The following UTRN variants were observed in gnomAD, a reference collection of about 807,000 sequenced individuals.
UTRN encodes utrophin.
Under a neutral mutation model 463.9 loss-of-function variants are expected in UTRN, and 283 were observed. The ratio of observed to expected loss-of-function variants is 0.61; its 90% CI spans 0.55 to 0.67. The LOEUF (loss-of-function observed/expected upper bound fraction) is 0.67, where lower values mean the gene tolerates loss of function less well. Among genes scored for constraint, UTRN ranks in the 30% least tolerant of loss-of-function variants. The pLI, the probability that UTRN is intolerant of heterozygous loss-of-function variation, is 0.00. For synonymous variants in UTRN, 1,442 were observed against 1,431.5 expected (o/e 1.01, Z -0.17); for missense variants, 3,922 against 4,084.3 (o/e 0.96, Z 1.08).
At chr6:144,657,329 T>C (rs1176336039) in intron 51 of UTRN, among the ~76,000 whole-genome samples, 1 of 151,670 alleles carries the variant, frequency 6.6e-6, no homozygotes, top group Non-Finnish European at 1.5e-5. Flanking sequence ...GCTGCATAAC[T>C]GTATATAAGG....
rs554231419 is a variant in UTRN, at chr6:144,322,942, CAA to C, written c.79+31051_79+31052del. Among the ~76,000 whole-genome samples the C allele has an allele frequency of 2.7e-3, 233 of 86,512 alleles. 2 individuals are homozygous for C. The highest frequency in any genetic ancestry group is 8.6e-3 in the African/African-American group (202 of 23,600). 56.8% of individuals were successfully genotyped at this position (86,512 alleles called of 152,430 possible). On this transcript the variant is annotated intron_variant, in intron 2 of 74. Transcript: ENST00000367545. ...TGGGTGACAGAGTGAGACTCCGTCT[CAA>C]AAAAAAAAAAAAAAATGGATTTCAT...
intron 54 of UTRN, among the ~76,000 whole-genome samples, chr6:144,747,824 CTTATAAT>C (rs1464476405): frequency 1.3e-5 from 2 of 152,106 alleles, no homozygotes; most frequent in Non-Finnish European, 2.9e-5. Flanking sequence ...AGAGTTTTTG[CTTATAAT>C]TTATAGTCAT....
chr6:144,738,551 A>G (rs1389869134), intron 54 of UTRN, among the ~76,000 whole-genome samples: 1 of 152,158 alleles, frequency 6.6e-6, no homozygotes, highest in Non-Finnish European at 1.5e-5. Context: ...AGCACCCCCC[A>G]CCAAACATAC....
chr6:144,819,911 C>CTCTCT (rs1554406066), intron 65 of UTRN, among the ~76,000 whole-genome samples: 1 of 118,610 alleles, frequency 8.4e-6, no homozygotes. Context: ...TCCTCCTCCT[C>CTCTCT]CTCTCTCTCT....
chr6:144,470,961 G>C (rs944632513), intron 23 of UTRN, among the ~76,000 whole-genome samples: 7 of 150,874 alleles, frequency 4.6e-5, no homozygotes, highest in Admixed American at 1.3e-4. Context: ...GTTGCATTGA[G>C]CCGAGATGGC....
chr6:144,409,623 T>G (rs139165966), intron 3 of UTRN, among the ~76,000 whole-genome samples: 35 of 152,128 alleles, frequency 2.3e-4, no homozygotes, highest in African/African-American at 8.2e-4. Context: ...GAGGTAGTGG[T>G]TGAGGGGAGA....
intron 51 of UTRN, among the ~76,000 whole-genome samples, chr6:144,602,738 G>C (rs1804395218): frequency 6.6e-6 from 1 of 152,134 alleles, no homozygotes; most frequent in South Asian, 2.1e-4. Context: ...AACACTTTCA[G>C]TGCAGACTCC....
chr6:144,657,539 A>G (rs755871565), intron 51 of UTRN, among the ~76,000 whole-genome samples: 1 of 152,196 alleles, frequency 6.6e-6, no homozygotes, highest in Non-Finnish European at 1.5e-5. Flanking sequence ...TTTGGGAAGA[A>G]GGCCTAATAC....
intron 58 of UTRN, among the ~76,000 whole-genome samples, chr6:144,766,138 C>T (rs1251573112): frequency 6.6e-6 from 1 of 151,898 alleles, no homozygotes; most frequent in East Asian, 1.9e-4. Flanking sequence ...CCCACACCCA[C>T]ACACACACAA....
intron 2 of UTRN, among the ~76,000 whole-genome samples, chr6:144,295,467 A>G (rs977789095): frequency 6.6e-6 from 1 of 152,232 alleles, no homozygotes; most frequent in Admixed American, 6.5e-5. Flanking sequence ...CTGGGAAAGA[A>G]CTGTTTGATG....
At chr6:144,836,076 A>G (rs1178477683) in intron 70 of UTRN, 138 bp downstream of exon 70, 2 of 1,429,348 alleles carry the variant, frequency 1.4e-6, no homozygotes, top group Non-Finnish European at 1.9e-6. Flanking sequence ...CTATTAACAA[A>G]CTGGGATGCT....
intron 3 of UTRN, among the ~76,000 whole-genome samples, chr6:144,416,867 G>A (rs145053804): frequency 5.2e-4 from 79 of 152,316 alleles, no homozygotes; most frequent in African/African-American, 1.9e-3. Context: ...GCAGGGCCAA[G>A]CACAAAGGAG....
At chr6:144,485,102 T>A (rs746192455) in intron 27 of UTRN, among the ~76,000 whole-genome samples, 2 of 151,396 alleles carry the variant, frequency 1.3e-5, no homozygotes, top group African/African-American at 4.8e-5. Context: ...ATATATATAT[T>A]TTTAGTAGAG....
intron 53 of UTRN, among the ~76,000 whole-genome samples, chr6:144,725,726 T>C (rs1362280931): frequency 2.6e-5 from 4 of 152,234 alleles, no homozygotes; most frequent in Non-Finnish European, 5.9e-5. Flanking sequence ...GAAATGATTA[T>C]ATGTATAAAA....
rs555448657 is a variant in UTRN at position 144,583,170 on chromosome 6, C to T, written c.7479+5882C>T. On this transcript the variant is annotated intron_variant, in intron 51 of 74. Transcript: ENST00000367545. ...CTTAATATCCTCTTTGGCTACTGAG[C>T]GCACTCCTCTCCCGCAGCCGGCAGC... The T allele has an allele frequency of 3.8e-4, 102 of 268,236 alleles. 1 individual carries two copies. In the South Asian group the frequency reaches 9.1e-3, roughly 24 times the overall value. The allele number at this position is 268,236 out of a possible 1,614,324, so 16.6% of individuals were successfully genotyped here. A position where few individuals can be genotyped will look rare whatever the true frequency, so the allele number is the denominator to read the frequency against.
intron 18 of UTRN, 87 bp downstream of exon 18, chr6:144,451,580 C>G: frequency 1.4e-6 from 2 of 1,424,568 alleles, no homozygotes; most frequent in Non-Finnish European, 1.9e-6. Context: ...TTATGGAATT[C>G]AAAAGCCTCC....
intron 51 of UTRN, among the ~76,000 whole-genome samples, chr6:144,658,702 C>G (rs1350712729): frequency 2.0e-5 from 3 of 152,210 alleles, no homozygotes; most frequent in Admixed American, 2.0e-4. Context: ...ATGGACATTT[C>G]TGTTATACTT....
intron 39 of UTRN, among the ~76,000 whole-genome samples, chr6:144,517,182 A>C (rs1795692689): frequency 6.6e-6 from 1 of 151,882 alleles, no homozygotes; most frequent in Non-Finnish European, 1.5e-5. Context: ...ATGTTATCAA[A>C]CCTAAAAGAG....
At chr6:144,681,053 G>A (rs1008683931) in intron 52 of UTRN, among the ~76,000 whole-genome samples, 6 of 152,212 alleles carry the variant, frequency 3.9e-5, no homozygotes, top group East Asian at 1.9e-4. Flanking sequence ...AGGATGCCTC[G>A]GATGAGCCTG....
Sources: allele counts gnomAD v4.1 joint callset (sites outside exome capture counted in the v4.1 genomes callset), GRCh38; gene constraint gnomAD v4.1.1; transcripts MANE v1.5; gene names NCBI Gene and HGNC (gene_info 2026-07-23, HGNC 2026-07-21).